The following TMED3 variants were observed in gnomAD, a reference collection of about 807,000 sequenced individuals.
TMED3 encodes transmembrane emp24 domain-containing protein 3.
TMED3 carries 9 observed loss-of-function variants against 15.0 expected under a neutral mutation model. The observed-to-expected ratio is 0.60, with a 90% CI of 0.36 to 1.04. The LOEUF (loss-of-function observed/expected upper bound fraction) is 1.04, where lower values mean the gene tolerates loss of function less well. Among genes scored for constraint, TMED3 ranks in the 50% least tolerant of loss-of-function variants. The pLI is 0.01. For synonymous variants in TMED3, 117 were observed against 121.4 expected, an observed-to-expected ratio of 0.96 and a Z score of 0.24; for missense variants, 267 against 278.9, an observed-to-expected ratio of 0.96 and a Z score of 0.30.
At chr15:79,381,770 G>A (rs1487097612) in intron 2 of TMED3, among the ~76,000 whole-genome samples, 1 of 152,198 alleles carries the variant, frequency 6.6e-6, no homozygotes, top group Non-Finnish European at 1.5e-5. Flanking sequence ...AAAAGGCTGT[G>A]TGTCCTGTGA....
At chr15:79,332,819 G>T (rs1013050128) in intron 2 of TMED3, among the ~76,000 whole-genome samples, 5 of 152,144 alleles carry the variant, frequency 3.3e-5, no homozygotes, top group African/African-American at 1.2e-4. Flanking sequence ...TGTATTCTGG[G>T]CTTCCATATT....
chr15:79,382,691 A>G (rs1893556665), intron 2 of TMED3, among the ~76,000 whole-genome samples: 1 of 152,066 alleles, frequency 6.6e-6, no homozygotes, highest in African/African-American at 2.4e-5. Context: ...TGGAAACCTT[A>G]ATCCCTTTCT....
At chr15:79,351,526 T>C (rs2141233986) in intron 2 of TMED3, among the ~76,000 whole-genome samples, 1 of 152,298 alleles carries the variant, frequency 6.6e-6, no homozygotes, top group African/African-American at 2.4e-5. Flanking sequence ...GAAAACTGAT[T>C]TTTAAAAACC....
intron 2 of TMED3, among the ~76,000 whole-genome samples, chr15:79,400,670 A>G (rs1415080731): frequency 1.3e-5 from 2 of 152,234 alleles, no homozygotes; most frequent in African/African-American, 2.4e-5. Flanking sequence ...AATTTTGTGT[A>G]TATAACAATT....
chr15:79,316,399 T>A (rs1488117857), intron 2 of TMED3, among the ~76,000 whole-genome samples: 1 of 152,092 alleles, frequency 6.6e-6, no homozygotes, highest in East Asian at 1.9e-4. Flanking sequence ...CTGACAGAGG[T>A]CAAAGGCCAA....
intron 2 of TMED3, among the ~76,000 whole-genome samples, chr15:79,390,761 C>T (rs1893686081): frequency 6.6e-6 from 1 of 151,828 alleles, no homozygotes; most frequent in Non-Finnish European, 1.5e-5. Context: ...AATCTCACTG[C>T]TTGTTATTGG....
intron 2 of TMED3, among the ~76,000 whole-genome samples, chr15:79,346,533 T>A (rs1470918330): frequency 6.6e-6 from 1 of 152,208 alleles, no homozygotes; most frequent in Non-Finnish European, 1.5e-5. Flanking sequence ...TTGTGAGGCC[T>A]CCTGAGCCAT....
At chr15:79,333,765 C>T (rs1398906648) in intron 2 of TMED3, among the ~76,000 whole-genome samples, 2 of 152,136 alleles carry the variant, frequency 1.3e-5, no homozygotes, top group Non-Finnish European at 2.9e-5. Context: ...GCCCCCACAC[C>T]CTTTGTTTAA....
intron 2 of TMED3, among the ~76,000 whole-genome samples, chr15:79,371,164 CA>C (rs1178508119): frequency 6.6e-6 from 1 of 152,078 alleles, no homozygotes; most frequent in Non-Finnish European, 1.5e-5. Flanking sequence ...ACCAAATACA[CA>C]AAGATGTGTA....
At chr15:79,376,092 G>GTTTTTTTTTTTTTTT (rs199728545) in intron 2 of TMED3, among the ~76,000 whole-genome samples, 3 of 112,080 alleles carry the variant, frequency 2.7e-5, no homozygotes, top group African/African-American at 3.6e-5. Context: ...CTAGAGAAAG[G>GTTTTTTTTTTTTTTT]TTTTTTTTTT....
chr15:79,311,633 G>A (rs1026554379), intron 1 of TMED3, among the ~76,000 whole-genome samples: 2 of 152,196 alleles, frequency 1.3e-5, no homozygotes, highest in African/African-American at 4.8e-5. Flanking sequence ...CGAGGAGGTA[G>A]TCAGCGCCGC....
Position 79,322,278 on chromosome 15 carries a change from C to T in TMED3, c.*64C>T. ...TGGAGCAGCTCTCCTAGGTCACAGC[C>T]TGCTGGGCTGGGTCGCGTAGCCCAG... On this transcript the variant is annotated 3_prime_UTR_variant, in exon 3 of 3. Transcript: ENST00000299705. 1 of 1,558,254 alleles carries T rather than the reference C, an allele frequency of 6.4e-7. No homozygotes were observed. Among genetic ancestry groups the T allele is most frequent in the South Asian group, 1.2e-5 (1 of 81,742 alleles).
chr15:79,344,491 C>T (rs11856141), intron 2 of TMED3, among the ~76,000 whole-genome samples: 12 of 152,298 alleles, frequency 7.9e-5, no homozygotes, highest in African/African-American at 2.6e-4. Context: ...GGTTCCATGA[C>T]ACACCACCAA....
intron 2 of TMED3, among the ~76,000 whole-genome samples, chr15:79,410,682 G>A (rs1404555218): frequency 1.4e-5 from 2 of 140,600 alleles, no homozygotes; most frequent in Non-Finnish European, 3.2e-5. Context: ...ATATATATAT[G>A]TGTATATGTG....
In TMED3 at chr15:79,313,845, A is replaced by G; in HGVS notation, c.257A>G (p.Asp86Gly). 1 of 1,614,250 alleles carries G rather than the reference A, an allele frequency of 6.2e-7. No homozygotes were observed. Among genetic ancestry groups the G allele is most frequent in the Non-Finnish European group, 8.5e-7 (1 of 1,180,042 alleles). The change falls in exon 2 of 3, where the codon GAC (aspartate) becomes GGC (glycine). Residue 86 changes from aspartate to glycine, a missense_variant. Physicochemically the swap from Asp to Gly is moderately conservative, Grantham distance 94. This residue lies in a region of TMED3 where 69 missense variants were observed against 106.8 expected (regional missense o/e 0.65). Coordinates refer to ENST00000299705, the MANE Select transcript of TMED3 (RefSeq NM_007364.4). ...TACAGAGAAACGAAGAAGCAGTACG[A>G]CAGCTTCACGTACCGGGCTGAAGTC... ...TIYRETKKQYDSFTYRAEVKG... is the reference protein window; with the variant it reads ...TIYRETKKQYGSFTYRAEVKG...
intron 2 of TMED3, among the ~76,000 whole-genome samples, chr15:79,362,493 G>A (rs1893151687): frequency 6.6e-6 from 1 of 151,760 alleles, no homozygotes; most frequent in Admixed American, 6.6e-5. Context: ...TCTAAAAAAA[G>A]TTTAAATAAA....
intron 2 of TMED3, among the ~76,000 whole-genome samples, chr15:79,341,345 A>G (rs1427284415): frequency 1.3e-5 from 2 of 152,100 alleles, no homozygotes; most frequent in African/African-American, 4.8e-5. Context: ...GGGCTGGACC[A>G]TAGGAAGAGA....
intron 2 of TMED3, among the ~76,000 whole-genome samples, chr15:79,401,037 T>C (rs1275231582): frequency 6.6e-6 from 1 of 152,194 alleles, no homozygotes; most frequent in Non-Finnish European, 1.5e-5. Flanking sequence ...GGACTTAAAC[T>C]CAGGTCTGTA....
At chr15:79,316,207 T>C (rs1420454289) in intron 2 of TMED3, among the ~76,000 whole-genome samples, 4 of 152,202 alleles carry the variant, frequency 2.6e-5, no homozygotes, top group Non-Finnish European at 4.4e-5. Context: ...ACAGGTTCCA[T>C]AGTGACCAGG....
Sources: gnomAD v4.1 joint callset for allele counts (sites outside exome capture counted in the v4.1 genomes callset) on GRCh38, gnomAD v4.1.1 for gene constraint, gnomAD v4.1.1 regional missense constraint, MANE v1.5 for transcripts, NCBI Gene and HGNC (gene_info 2026-07-23, HGNC 2026-07-21) for gene names.